EDAR: variants seen among roughly 807,000 people sequenced by gnomAD.
EDAR encodes the protein ectodysplasin A receptor, also known as tumor necrosis factor receptor superfamily member EDAR.
A neutral mutation model predicts 51.3 loss-of-function variants in EDAR; 38 were observed. That is an observed-to-expected ratio of 0.74 (90% CI 0.57 to 0.97). EDAR has a LOEUF of 0.97. EDAR is among the 50% of genes least tolerant of loss of function. The pLI is 0.00. For synonymous variants in EDAR, 227 were observed against 242.1 expected, an observed-to-expected ratio of 0.94 and a Z score of 0.58; for missense variants, 528 against 595.0, an observed-to-expected ratio of 0.89 and a Z score of 1.17.
At chr2:108,982,153 G>C (rs1698430954) in intron 1 of EDAR, among the ~76,000 whole-genome samples, 1 of 152,180 alleles carries the variant, frequency 6.6e-6, no homozygotes, top group Admixed American at 6.5e-5. Flanking sequence ...ATTTCTATTA[G>C]ATCTCCCAAA....
chr2:108,942,634 C>T (rs1697626280), intron 1 of EDAR, among the ~76,000 whole-genome samples: 1 of 152,250 alleles, frequency 6.6e-6, no homozygotes, highest in Admixed American at 6.5e-5. Context: ...GTTCCGCCAC[C>T]TGCTTTCCAC....
intron 1 of EDAR, among the ~76,000 whole-genome samples, chr2:108,961,405 A>T (rs2104404639): frequency 6.6e-6 from 1 of 152,260 alleles, no homozygotes; most frequent in East Asian, 1.9e-4. Flanking sequence ...GGAGGCAGGC[A>T]GGGAGGAGCC....
chr2:108,919,780 A>G (rs1317831679), intron 5 of EDAR, among the ~76,000 whole-genome samples: 2 of 151,824 alleles, frequency 1.3e-5, no homozygotes, highest in African/African-American at 4.8e-5. Flanking sequence ...TCCGTGGGGC[A>G]CCTGCCCTCT....
At chr2:108,917,477 A>T (rs1446995842) in intron 5 of EDAR, among the ~76,000 whole-genome samples, 1 of 152,232 alleles carries the variant, frequency 6.6e-6, no homozygotes, top group Non-Finnish European at 1.5e-5. Context: ...CCCTGATCAG[A>T]TCATGACACT....
intron 1 of EDAR, among the ~76,000 whole-genome samples, chr2:108,978,254 C>T (rs1698361780): frequency 6.6e-6 from 1 of 152,142 alleles, no homozygotes; most frequent in Admixed American, 6.5e-5. Context: ...AGGATCCAGG[C>T]AGGGCGTGGA....
intron 1 of EDAR, among the ~76,000 whole-genome samples, chr2:108,977,495 C>T (rs1028056416): frequency 1.3e-5 from 2 of 152,182 alleles, no homozygotes; most frequent in Admixed American, 6.5e-5. Context: ...TGGTCTCGAT[C>T]TCCTGACCTC....
chr2:108,917,967 C>G (rs1697058130), intron 5 of EDAR, among the ~76,000 whole-genome samples: 1 of 152,048 alleles, frequency 6.6e-6, no homozygotes, highest in Non-Finnish European at 1.5e-5. Context: ...TCTGCATTAC[C>G]CCTAAATGCT....
At chr2:108,964,014 G>C (rs1698102746) in intron 1 of EDAR, among the ~76,000 whole-genome samples, 1 of 152,192 alleles carries the variant, frequency 6.6e-6, no homozygotes, top group African/African-American at 2.4e-5. Context: ...CAGGACTATG[G>C]CCTCTGTGGC....
chr2:108,950,042 C>T (rs998892387), intron 1 of EDAR, among the ~76,000 whole-genome samples: 2 of 152,180 alleles, frequency 1.3e-5, no homozygotes, highest in African/African-American at 4.8e-5. Flanking sequence ...CTGAGTGCGG[C>T]CTGGGCATGG....
intron 1 of EDAR, among the ~76,000 whole-genome samples, chr2:108,976,610 C>T (rs1022475276): frequency 5.9e-5 from 9 of 152,162 alleles, no homozygotes; most frequent in Non-Finnish European, 1.0e-4. Context: ...AGACCTGCCT[C>T]TTCTCTGTTA....
intron 1 of EDAR, among the ~76,000 whole-genome samples, chr2:108,976,945 CA>C (rs1200875618): frequency 3.9e-5 from 6 of 152,158 alleles, no homozygotes; most frequent in Admixed American, 2.6e-4. Flanking sequence ...TGGAGATTGG[CA>C]TTAGAATCCC....
chr2:108,911,978 T>TC (rs982908100), intron 6 of EDAR, among the ~76,000 whole-genome samples: 15 of 152,236 alleles, frequency 9.9e-5, no homozygotes, highest in African/African-American at 3.6e-4. Flanking sequence ...TTTGAGCTAC[T>TC]CCCCCCGGGG....
intron 11 of EDAR, among the ~76,000 whole-genome samples, chr2:108,901,954 T>A (rs1408483670): frequency 6.6e-6 from 1 of 151,320 alleles, no homozygotes; most frequent in Non-Finnish European, 1.5e-5. Flanking sequence ...AATACAAAAA[T>A]TAGGGCTGGG....
intron 1 of EDAR, among the ~76,000 whole-genome samples, chr2:108,966,488 T>C (rs1455533716): frequency 6.6e-6 from 1 of 152,212 alleles, no homozygotes; most frequent in African/African-American, 2.4e-5. Context: ...GGTGCAGTTA[T>C]GTGGGGTCAG....
chr2:108,942,289 G>A (rs1697616517), intron 1 of EDAR, among the ~76,000 whole-genome samples: 1 of 152,244 alleles, frequency 6.6e-6, no homozygotes, highest in South Asian at 2.1e-4. Flanking sequence ...AGGTGGGAGA[G>A]CCGAGGCACA....
intron 1 of EDAR, among the ~76,000 whole-genome samples, chr2:108,954,164 T>C (rs563543886): frequency 1.3e-5 from 2 of 152,324 alleles, no homozygotes; most frequent in Admixed American, 6.5e-5. Context: ...CCTGCAGTTA[T>C]GGCAACCTAG....
At chr2:108,966,609 A>G (rs1285154266) in intron 1 of EDAR, among the ~76,000 whole-genome samples, 1 of 152,232 alleles carries the variant, frequency 6.6e-6, no homozygotes, top group African/African-American at 2.4e-5. Flanking sequence ...GCCCAAGTGC[A>G]TTCAAATAGT....
At chr2:108,920,467 T>A (rs1191556530) in intron 5 of EDAR, among the ~76,000 whole-genome samples, 3 of 152,190 alleles carry the variant, frequency 2.0e-5, no homozygotes, top group Non-Finnish European at 4.4e-5. Context: ...AAAGCTCTGG[T>A]CACCCCAAGT....
chr2:108,966,019 C>G (rs1421662681), intron 1 of EDAR, among the ~76,000 whole-genome samples: 1 of 152,192 alleles, frequency 6.6e-6, no homozygotes, highest in Admixed American at 6.5e-5. Flanking sequence ...CCTTTTACAA[C>G]TGGGGCTGTT....
Sources: allele counts gnomAD v4.1 joint callset (sites outside exome capture counted in the v4.1 genomes callset), GRCh38; gene constraint gnomAD v4.1.1; transcripts MANE v1.5; gene names NCBI Gene and HGNC (gene_info 2026-07-23, HGNC 2026-07-21).